LRMDA: variants seen among roughly 807,000 people sequenced by gnomAD.
LRMDA encodes leucine rich melanocyte differentiation associated.
A neutral mutation model predicts 29.8 loss-of-function variants in LRMDA; 18 were observed. The ratio of observed to expected loss-of-function variants is 0.60; its 90% CI spans 0.42 to 0.90. LRMDA has a LOEUF of 0.90. Ranked by LOEUF, LRMDA falls within the 40% of genes least tolerant of loss-of-function variation. LRMDA has a pLI of 0.00. For synonymous variants in LRMDA, 125 were observed against 109.4 expected, an observed-to-expected ratio of 1.14 and a Z score of -0.89; for missense variants, 273 against 273.9, an observed-to-expected ratio of 1.00 and a Z score of 0.02.
chr10:76,425,149 A>T (rs905192361), intron 6 of LRMDA, among the ~76,000 whole-genome samples: 1 of 152,310 alleles, frequency 6.6e-6, no homozygotes, highest in East Asian at 1.9e-4. Context: ...CATTTCCACT[A>T]TAACAGATCG....
rs1323427396 is a variant in LRMDA, at chr10:75,618,380, CTCTA to C, written c.131+179888_131+179891del. Among the ~76,000 whole-genome samples the C allele has an allele frequency of 9.6e-3, 533 of 55,240 alleles. 1 individual carries two copies. Among genetic ancestry groups the C allele is most frequent in the South Asian group, 0.019 (33 of 1,764 alleles). The allele number at this position is 55,240 out of a possible 152,430, so 36.2% of individuals were successfully genotyped here. A position where few individuals can be genotyped will look rare whatever the true frequency, so the allele number is the denominator to read the frequency against. On this transcript the variant is annotated intron_variant, in intron 2 of 6. Coordinates refer to ENST00000611255, the MANE Select transcript of LRMDA (RefSeq NM_001305581.2). ...ACTCTCTCTCTCTCTCTCTCTCTCT[CTCTA>C]TATATATATATATATATATATATCA... is the stretch of plus-strand genomic sequence containing the variant.
intron 5 of LRMDA, among the ~76,000 whole-genome samples, chr10:76,252,223 G>A (rs890942539): frequency 2.0e-5 from 3 of 152,134 alleles, no homozygotes; most frequent in Non-Finnish European, 4.4e-5. Flanking sequence ...ATGGACGCAG[G>A]GCCTGAGACT....
chr10:76,366,022 G>A (rs902115455), intron 6 of LRMDA, among the ~76,000 whole-genome samples: 1 of 152,168 alleles, frequency 6.6e-6, no homozygotes, highest in Non-Finnish European at 1.5e-5. Context: ...TTATGTTTTT[G>A]TTTACTTTGT....
At chr10:76,367,374 G>C (rs1841402948) in intron 6 of LRMDA, among the ~76,000 whole-genome samples, 1 of 151,810 alleles carries the variant, frequency 6.6e-6, no homozygotes, top group Admixed American at 6.6e-5. Context: ...TTGTGAACCT[G>C]TCTGGTCCTG....
intron 6 of LRMDA, among the ~76,000 whole-genome samples, chr10:76,541,721 C>A (rs1843358377): frequency 6.6e-6 from 1 of 152,128 alleles, no homozygotes; most frequent in African/African-American, 2.4e-5. Context: ...AGGCTTCCTT[C>A]TGATGGTGTC....
chr10:76,160,637 G>T (rs376087417), intron 5 of LRMDA, among the ~76,000 whole-genome samples: 24 of 151,892 alleles, frequency 1.6e-4, no homozygotes, highest in African/African-American at 5.6e-4. Context: ...CAATTTTTTT[G>T]AAATACTCCC....
intron 2 of LRMDA, among the ~76,000 whole-genome samples, chr10:75,663,691 C>A (rs1259699206): frequency 6.6e-6 from 1 of 152,168 alleles, no homozygotes; most frequent in Non-Finnish European, 1.5e-5. Context: ...CTTCATTGTC[C>A]AGTCTTTGGG....
intron 2 of LRMDA, among the ~76,000 whole-genome samples, chr10:75,966,262 C>T (rs528207141): frequency 2.6e-5 from 4 of 152,338 alleles, no homozygotes; most frequent in Non-Finnish European, 2.9e-5. Flanking sequence ...CCCAGCATTT[C>T]TGCTCTCTCC....
intron 2 of LRMDA, among the ~76,000 whole-genome samples, chr10:75,576,505 C>T (rs1354398045): frequency 1.3e-5 from 2 of 152,366 alleles, no homozygotes; most frequent in African/African-American, 4.8e-5. Flanking sequence ...TCTCCCAGCA[C>T]AGCGTTGGAG....
Position 76,083,067 on chromosome 10 carries a change from T to C in LRMDA, c.516+24284T>C, listed in dbSNP as rs77997378. 7.2e-3 allele frequency among the ~76,000 whole-genome samples: 1,097 copies of C among 152,312 alleles called. 16 individuals carry two copies. The highest frequency in any genetic ancestry group is 0.025 in the African/African-American group (1,041 of 41,548). ...ATTGCATTGACTACATGTGCTTGTT[T>C]CCTGTGCTTTTGATAAACTGACATC... On this transcript the variant is annotated intron_variant, in intron 5 of 6. Transcript: ENST00000611255.
Position 76,365,085 on chromosome 10 carries a change from CATATATAT to C in LRMDA, c.601+40616_601+40623del, listed in dbSNP as rs554375602. On this transcript the variant is annotated intron_variant, in intron 6 of 6. Coordinates refer to ENST00000611255, the MANE Select transcript of LRMDA (RefSeq NM_001305581.2). ...TCGTATATATATACACACACACACA[CATATATAT>C]ATATATATATATATACACACACACA... Among the ~76,000 whole-genome samples, 30 of 69,768 alleles carry C rather than the reference CATATATAT, an allele frequency of 4.3e-4. 1 individual carries two copies. The highest frequency in any genetic ancestry group is 9.3e-4 in the Non-Finnish European group (27 of 28,886). The allele number at this position is 69,768 out of a possible 152,430, so 45.8% of individuals were successfully genotyped here.
intron 2 of LRMDA, among the ~76,000 whole-genome samples, chr10:75,825,808 C>T (rs1844238077): frequency 6.6e-6 from 1 of 152,186 alleles, no homozygotes; most frequent in Non-Finnish European, 1.5e-5. Context: ...GATACATAGG[C>T]ACTGTTGGCC....
intron 5 of LRMDA, among the ~76,000 whole-genome samples, chr10:76,300,739 C>G (rs1840470766): frequency 1.3e-5 from 2 of 152,328 alleles, no homozygotes; most frequent in Admixed American, 1.3e-4. Context: ...TAATTTGCAA[C>G]AGTTTACTCC....
chr10:76,197,350 G>A (rs1851347607), intron 5 of LRMDA, among the ~76,000 whole-genome samples: 1 of 151,988 alleles, frequency 6.6e-6, no homozygotes, highest in South Asian at 2.1e-4. Flanking sequence ...TTATAATTGG[G>A]GACTGTACAA....
At chr10:76,428,245 C>T (rs954033226) in intron 6 of LRMDA, among the ~76,000 whole-genome samples, 1 of 152,012 alleles carries the variant, frequency 6.6e-6, no homozygotes, top group African/African-American at 2.4e-5. Context: ...AGAGAGAGAG[C>T]ATATCTAGGA....
chr10:76,323,652 A>G (rs2132397175), intron 5 of LRMDA, among the ~76,000 whole-genome samples: 1 of 152,310 alleles, frequency 6.6e-6, no homozygotes, highest in South Asian at 2.1e-4. Flanking sequence ...TTTTGGCTTT[A>G]GCTCACAAGG....
At chr10:76,396,286 C>T (rs1365467885) in intron 6 of LRMDA, among the ~76,000 whole-genome samples, 1 of 152,168 alleles carries the variant, frequency 6.6e-6, no homozygotes, top group African/African-American at 2.4e-5. Context: ...GAAATGTTGG[C>T]ATCCAAATAT....
At chr10:75,725,895 G>C (rs1842626018) in intron 2 of LRMDA, among the ~76,000 whole-genome samples, 1 of 152,156 alleles carries the variant, frequency 6.6e-6, no homozygotes, top group Non-Finnish European at 1.5e-5. Context: ...CTAGAGTAGA[G>C]ATGTTGGATC....
chr10:76,310,502 G>A (rs531690599), intron 5 of LRMDA, among the ~76,000 whole-genome samples: 9 of 152,180 alleles, frequency 5.9e-5, no homozygotes, highest in East Asian at 1.9e-4. Flanking sequence ...CCTCCCATGC[G>A]GTTCATGCTT....
Sources: gnomAD v4.1 joint callset for allele counts (sites outside exome capture counted in the v4.1 genomes callset) on GRCh38, gnomAD v4.1.1 for gene constraint, MANE v1.5 for transcripts, NCBI Gene and HGNC (gene_info 2026-07-23, HGNC 2026-07-21) for gene names.